The following WDR41 variants were observed in gnomAD, a reference collection of about 807,000 sequenced individuals.
The protein encoded by WDR41 is WD repeat domain 41, also known as WD repeat-containing protein 41.
Under a neutral mutation model 69.3 loss-of-function variants are expected in WDR41, and 63 were observed. The ratio of observed to expected loss-of-function variants is 0.91; its 90% CI spans 0.74 to 1.12. WDR41 has a LOEUF of 1.12. Among genes scored for constraint, WDR41 ranks in the 50% most tolerant of loss-of-function variants. WDR41 has a pLI of 0.00. For synonymous variants in WDR41, 185 were observed against 192.1 expected, an observed-to-expected ratio of 0.96 and a Z score of 0.31; for missense variants, 543 against 534.5, an observed-to-expected ratio of 1.02 and a Z score of -0.16.
intron 2 of WDR41, among the ~76,000 whole-genome samples, chr5:77,466,261 T>TA (rs779859744): frequency 5.9e-5 from 9 of 152,080 alleles, no homozygotes; most frequent in East Asian, 3.9e-4. Context: ...ATTTTTAAAA[T>TA]AAAAATAGAT....
intron 12 of WDR41, among the ~76,000 whole-genome samples, chr5:77,434,365 C>T (rs2151282028): frequency 6.6e-6 from 1 of 152,024 alleles, no homozygotes; most frequent in African/African-American, 2.4e-5. Context: ...CTGAAGACCA[C>T]AGGATAAGAC....
rs545680115 is a variant in WDR41, at chr5:77,470,608, A to G, written c.168-5799T>C. Reference sequence around the variant, plus strand: ...GATCTACCAAGCAAATGGAAAACAAAAAAAGGCAGGGGTTGCAATCCTACT... The same window carrying G: ...GATCTACCAAGCAAATGGAAAACAAGAAAAGGCAGGGGTTGCAATCCTACT... On this transcript the variant is annotated intron_variant, in intron 2 of 12. Transcript: ENST00000296679. Among the ~76,000 whole-genome samples the G allele has an allele frequency of 6.6e-5, 10 of 152,306 alleles. No individual in the cohort carries two copies. In the South Asian group the frequency reaches 1.4e-3, roughly 22 times the overall value.
intron 1 of WDR41, among the ~76,000 whole-genome samples, chr5:77,509,297 T>C (rs553233429): frequency 1.3e-5 from 2 of 152,332 alleles, no homozygotes; most frequent in South Asian, 4.1e-4. Flanking sequence ...CTTTGCCATC[T>C]TCCTGAGAAT....
At position 77,457,758 on chromosome 5, in the gene WDR41, ACTAT is replaced by A. The variant is rs367737732; in HGVS notation, c.411+1300_411+1303del. Among the ~76,000 whole-genome samples the A allele has an allele frequency of 4.5e-3, 684 of 152,152 alleles. 4 individuals carry two copies. Among genetic ancestry groups the A allele is most frequent in the African/African-American group, 0.016 (655 of 41,470 alleles). On this transcript the variant is annotated intron_variant, in intron 5 of 12. Coordinates refer to ENST00000296679, the MANE Select transcript of WDR41 (RefSeq NM_018268.4). ...TTAGGGATATAAATTTCTTGGATAA[ACTAT>A]CTATTCAAGAACAACTGAACCACTG...
intron 1 of WDR41, among the ~76,000 whole-genome samples, chr5:77,560,471 A>T (rs1743502076): frequency 6.6e-6 from 1 of 152,204 alleles, no homozygotes. Context: ...CATATTTAGT[A>T]ATACATTGAT....
chr5:77,432,088 C>CTT lies in WDR41; in HGVS notation c.*1045_*1046dup, dbSNP rs1319095098. On this transcript the variant is annotated 3_prime_UTR_variant, in exon 13 of 13. Transcript: ENST00000296679. ...GTCAAAGCTAAAACTAGTAAAAGAA[C>CTT]TTATGGAGATTCCCTTTAGGGTATA... The CTT allele has an allele frequency of 6.6e-6, 1 of 152,150 alleles. No individual in the cohort carries two copies. The highest frequency in any genetic ancestry group is 1.5e-5 in the Non-Finnish European group (1 of 68,034). The allele number at this position is 152,150 out of a possible 1,614,324, so 9.4% of individuals were successfully genotyped here. A position where few individuals can be genotyped will look rare whatever the true frequency, so the allele number is the denominator to read the frequency against.
At chr5:77,509,879 G>A (rs140375568) in intron 1 of WDR41, among the ~76,000 whole-genome samples, 58 of 152,240 alleles carry the variant, frequency 3.8e-4, no homozygotes, top group African/African-American at 1.4e-3. Context: ...TTAAAATTCA[G>A]GCCATTGAGA....
intron 2 of WDR41, among the ~76,000 whole-genome samples, chr5:77,476,148 A>C (rs948125172): frequency 6.6e-6 from 1 of 152,168 alleles, no homozygotes; most frequent in African/African-American, 2.4e-5. Context: ...AAATGACCAA[A>C]GCCTCCAAGA....
At chr5:77,518,752 A>T (rs1010923431) in intron 1 of WDR41, among the ~76,000 whole-genome samples, 1 of 152,142 alleles carries the variant, frequency 6.6e-6, no homozygotes, top group African/African-American at 2.4e-5. Context: ...CAAATTAAAT[A>T]GTTTATAAAC....
intron 1 of WDR41, among the ~76,000 whole-genome samples, chr5:77,544,019 A>G (rs2112229180): frequency 6.6e-6 from 1 of 152,220 alleles, no homozygotes; most frequent in Middle Eastern, 3.4e-3. Flanking sequence ...CTCAAACAAA[A>G]CAACAGCCAA....
rs540414243 is a variant in WDR41 at position 77,604,703 on chromosome 5, G to A, written c.42+15776C>T. Among the ~76,000 whole-genome samples the A allele has an allele frequency of 2.6e-5, 4 of 152,130 alleles. No individual in the cohort carries two copies. The East Asian group carries it at 7.7e-4, about 29-fold the overall frequency. ...TGATAAATGTTCATTATTCACTACA[G>A]CATAATTATAATAGGAAAAGACCAA... On this transcript the variant is annotated intron_variant, in intron 1 of 5. Transcript: ENST00000509971.
intron 1 of WDR41, among the ~76,000 whole-genome samples, chr5:77,577,897 T>A (rs570414868): frequency 1.3e-5 from 2 of 152,314 alleles, no homozygotes; most frequent in East Asian, 3.9e-4. Flanking sequence ...AACTTAAAAA[T>A]GCTCACTCAG....
intron 1 of WDR41, among the ~76,000 whole-genome samples, chr5:77,522,840 G>T (rs1253227247): frequency 6.6e-6 from 1 of 152,116 alleles, no homozygotes; most frequent in Non-Finnish European, 1.5e-5. Context: ...AGCCACTGAA[G>T]ATTTTGAAAG....
chr5:77,591,624 C>T (rs1744139574), intron 1 of WDR41, among the ~76,000 whole-genome samples: 1 of 152,052 alleles, frequency 6.6e-6, no homozygotes. Flanking sequence ...TCAATGTTTT[C>T]TAATTTCCAA....
intron 8 of WDR41, among the ~76,000 whole-genome samples, chr5:77,442,299 TAA>T (rs531755062): frequency 1.1e-3 from 163 of 152,194 alleles, no homozygotes; most frequent in African/African-American, 3.8e-3. Flanking sequence ...GAGAATTGAA[TAA>T]GACATCAACA....
At chr5:77,440,126 A>G (rs1799101050) in intron 9 of WDR41, among the ~76,000 whole-genome samples, 1 of 152,246 alleles carries the variant, frequency 6.6e-6, no homozygotes, top group Non-Finnish European at 1.5e-5. Context: ...TAGAAAAATT[A>G]AACAGTATAG....
Position 77,432,942 on chromosome 5 carries a change from T to TTGGAGGATATACTAGG in WDR41, c.*177_*192dup, listed in dbSNP as rs1798782134. ...AATGGAAAAACTTGTGGTATATTCT[T>TTGGAGGATATACTAGG]TGGAGGATATACTAGGACCTGAGAA... On this transcript the variant is annotated 3_prime_UTR_variant, in exon 13 of 13. Coordinates refer to ENST00000296679, the MANE Select transcript of WDR41 (RefSeq NM_018268.4). 1 of 535,768 alleles carries TTGGAGGATATACTAGG rather than the reference T, an allele frequency of 1.9e-6. No individual in the cohort carries two copies. The highest frequency in any genetic ancestry group is 1.9e-5 in the African/African-American group (1 of 51,412). 33.2% of individuals were successfully genotyped at this position (535,768 alleles called of 1,614,324 possible).
intron 1 of WDR41, among the ~76,000 whole-genome samples, chr5:77,607,327 T>C (rs919308913): frequency 5.9e-5 from 9 of 152,162 alleles, no homozygotes; most frequent in African/African-American, 1.9e-4. Context: ...CTTAAGTTAT[T>C]AGATGTGAGA....
At chr5:77,485,057 G>A (rs547318775) in intron 2 of WDR41, among the ~76,000 whole-genome samples, 61 of 152,280 alleles carry the variant, frequency 4.0e-4, no homozygotes, top group Non-Finnish European at 6.3e-4. Flanking sequence ...TTCCTCCAGC[G>A]GTCCCCATTG....
Sources: allele counts gnomAD v4.1 joint callset (sites outside exome capture counted in the v4.1 genomes callset), GRCh38; gene constraint gnomAD v4.1.1; transcripts MANE v1.5; gene names NCBI Gene and HGNC (gene_info 2026-07-23, HGNC 2026-07-21).